Variants in PLAA observed in about 807,000 individuals in gnomAD.
PLAA encodes the protein phospholipase A-2-activating protein.
A neutral mutation model predicts 84.1 loss-of-function variants in PLAA; 48 were observed. The observed-to-expected ratio is 0.57, with a 90% CI of 0.45 to 0.73. PLAA has a LOEUF of 0.73. Among genes scored for constraint, PLAA ranks in the 30% least tolerant of loss-of-function variants. The probability of loss-of-function intolerance (pLI) is 0.00; values close to 1 mark genes in which losing one functional copy is unlikely to be tolerated. For missense variants in PLAA, 903 were observed against 954.7 expected, an observed-to-expected ratio of 0.95 and a Z score of 0.71; for synonymous variants, 392 against 336.6, an observed-to-expected ratio of 1.16 and a Z score of -1.80.
rs763977317 is a variant in PLAA, at chr9:26,947,130, G to C, written c.-85C>G. The C allele has an allele frequency of 7.2e-7, 1 of 1,383,986 alleles. No homozygotes were observed. Among genetic ancestry groups the C allele is most frequent in the Non-Finnish European group, 9.4e-7 (1 of 1,063,288 alleles). 85.7% of individuals were successfully genotyped at this position (1,383,986 alleles called of 1,614,324 possible). ...GACTCGGAGAGCGCCGGGCCGCGGCGGGAGAAGAGCCTGCAGGTAAGGGGC... is the reference window on the plus strand; with the variant it reads ...GACTCGGAGAGCGCCGGGCCGCGGCCGGAGAAGAGCCTGCAGGTAAGGGGC... On this transcript the variant is annotated 5_prime_UTR_variant, in exon 1 of 14. Coordinates refer to ENST00000397292, the MANE Select transcript of PLAA (RefSeq NM_001031689.3).
intron 2 of PLAA, among the ~76,000 whole-genome samples, chr9:26,929,963 T>A (rs1250579161): frequency 1.3e-5 from 2 of 152,096 alleles, no homozygotes; most frequent in Non-Finnish European, 2.9e-5. Flanking sequence ...CTTGCATTAG[T>A]CACCAGACAA....
chr9:26,907,876 G>A lies in PLAA; in HGVS notation c.1780C>T (p.Gln594Ter). ...CNSSSEKPTV[Q>*]QLQILWKAIN... ...GCTTTCCACAAAATCTGAAGTTGCT[G>A]GACTGTGGGTTTTTCTGAAGAACTA... Residue 594 changes from glutamine to a stop codon, truncating the protein, a stop_gained, in exon 13 of 14, where the codon CAG becomes TAG. Transcript: ENST00000397292. LOFTEE classifies it high-confidence loss of function. 6.2e-7 allele frequency: 1 copy of A among 1,611,314 alleles called. No homozygotes were observed. Among genetic ancestry groups the A allele is most frequent in the Non-Finnish European group, 8.5e-7 (1 of 1,179,296 alleles).
At chr9:26,914,662 AATC>A (rs962952859) in intron 10 of PLAA, among the ~76,000 whole-genome samples, 21 of 152,216 alleles carry the variant, frequency 1.4e-4, no homozygotes, top group Non-Finnish European at 2.6e-4. Flanking sequence ...TATGCCAGTT[AATC>A]ATCTTCTATG....
At chr9:26,926,288 CATAG>C (rs1265360186) in intron 5 of PLAA, 101 bp downstream of exon 5, 7 of 731,970 alleles carry the variant, frequency 9.6e-6, no homozygotes, top group Non-Finnish European at 1.4e-5. Context: ...TTATTCAAGT[CATAG>C]ATAGTAAATT....
chr9:26,934,537 T>C (rs983216410), intron 2 of PLAA, among the ~76,000 whole-genome samples: 11 of 145,222 alleles, frequency 7.6e-5, no homozygotes, highest in African/African-American at 2.8e-4. Context: ...TGGAGTGCAG[T>C]GGCAGGATCT....
chr9:26,935,626 C>T (rs1449115771), intron 1 of PLAA, among the ~76,000 whole-genome samples: 1 of 151,894 alleles, frequency 6.6e-6, no homozygotes, highest in Non-Finnish European at 1.5e-5. Context: ...GACTTTTTCA[C>T]ATTATGAAGC....
At chr9:26,938,082 C>A (rs770318579) in intron 1 of PLAA, among the ~76,000 whole-genome samples, 1 of 152,034 alleles carries the variant, frequency 6.6e-6, no homozygotes, top group Non-Finnish European at 1.5e-5. Flanking sequence ...TTCAAAGAGA[C>A]CCACACCAAG....
chr9:26,939,131 G>A (rs1183811867), intron 1 of PLAA, among the ~76,000 whole-genome samples: 1 of 152,202 alleles, frequency 6.6e-6, no homozygotes, highest in African/African-American at 2.4e-5. Context: ...GCTCACGCCT[G>A]TAATCCCAGC....
rs1824718203 is a variant in PLAA at position 26,920,276 on chromosome 9, G to A, written c.1148C>T (p.Ser383Leu). The A allele has an allele frequency of 4.3e-6, 7 of 1,613,840 alleles. No homozygotes were observed. Among genetic ancestry groups the A allele is most frequent in the African/African-American group, 1.3e-5 (1 of 74,998 alleles). The change falls in exon 8 of 14, where the codon TCA becomes TTA. Residue 383 changes from serine to leucine, a missense_variant. Transcript: ENST00000397292. Reference protein sequence around the residue: ...RWIKIGDVVGSSGANQQTSGK... With the variant: ...RWIKIGDVVGLSGANQQTSGK... ...AGATGTTTGCTGATTAGCACCAGAT[G>A]AGCCAACAACATCACCAATTTTTAT...
chr9:26,929,371 C>T (rs1031789170), intron 2 of PLAA, among the ~76,000 whole-genome samples: 1 of 151,126 alleles, frequency 6.6e-6, no homozygotes, highest in Non-Finnish European at 1.5e-5. Flanking sequence ...ACGCGCCTGT[C>T]GTCCCAGTAA....
At chr9:26,923,932 T>A (rs1824853383) in intron 6 of PLAA, among the ~76,000 whole-genome samples, 1 of 152,200 alleles carries the variant, frequency 6.6e-6, no homozygotes, top group Non-Finnish European at 1.5e-5. Context: ...CTTCCAACTG[T>A]ATTAATCCTG....
chr9:26,929,495 G>C (rs1038834777), intron 2 of PLAA, among the ~76,000 whole-genome samples: 1 of 152,090 alleles, frequency 6.6e-6, no homozygotes, highest in Non-Finnish European at 1.5e-5. Flanking sequence ...GAAAAAAAAA[G>C]AAAAATTATC....
chr9:26,923,417 T>C (rs1396590082), intron 6 of PLAA, 70 bp from the exon 7 acceptor site: 1 of 1,090,496 alleles, frequency 9.2e-7, no homozygotes, highest in East Asian at 2.4e-5. Flanking sequence ...ACCTGAATGA[T>C]CCATAGTAAA....
intron 5 of PLAA, 77 bp from the exon 6 acceptor site, chr9:26,926,037 C>G: frequency 8.2e-7 from 1 of 1,226,688 alleles, no homozygotes; most frequent in Non-Finnish European, 1.1e-6. Flanking sequence ...TCTAGATACA[C>G]TGACTTTTTG....
At chr9:26,939,222 A>T (rs917916364) in intron 1 of PLAA, among the ~76,000 whole-genome samples, 1 of 151,920 alleles carries the variant, frequency 6.6e-6, no homozygotes, top group African/African-American at 2.4e-5. Context: ...CCCCATCTCT[A>T]CTAAAAATAC....
At chr9:26,941,433 TAACTC>T (rs911598859) in intron 1 of PLAA, among the ~76,000 whole-genome samples, 2 of 152,034 alleles carry the variant, frequency 1.3e-5, no homozygotes, top group Non-Finnish European at 2.9e-5. Context: ...CCCTACCAGA[TAACTC>T]AACAGTAAAA....
chr9:26,923,215 A>G lies in PLAA; in HGVS notation c.1002T>C (p.Ala334=). 1 of 1,610,954 alleles carries G rather than the reference A, an allele frequency of 6.2e-7. No homozygotes were observed. The highest frequency in any genetic ancestry group is 8.5e-7 in the Non-Finnish European group (1 of 1,178,032). Residue 334 remains alanine (A), a synonymous_variant, in exon 7 of 14, where the codon GCT becomes GCC. Transcript: ENST00000397292. The stretch of plus-strand genomic sequence containing the variant: ...GATGTTCCCTCCCAGGAAGCTGCTC[A>G]GCATTGATGTCCCCTAAATCGCCAG... The part of the protein sequence containing the change: ...SKTGDLGDIN[A]EQLPGREHLN...
intron 1 of PLAA, among the ~76,000 whole-genome samples, chr9:26,939,009 C>A (rs1281330663): frequency 1.3e-5 from 2 of 152,082 alleles, no homozygotes; most frequent in Non-Finnish European, 2.9e-5. Flanking sequence ...TAGAGGATTA[C>A]AACTTTAGGA....
chr9:26,946,171 C>A (rs907605220), intron 1 of PLAA, among the ~76,000 whole-genome samples: 8 of 152,190 alleles, frequency 5.3e-5, no homozygotes, highest in African/African-American at 1.9e-4. Flanking sequence ...TTTCTCTGAA[C>A]TGCAATCTGT....
Sources: gnomAD v4.1 joint callset for allele counts (sites outside exome capture counted in the v4.1 genomes callset) on GRCh38, gnomAD v4.1.1 for gene constraint, MANE v1.5 for transcripts, NCBI Gene and HGNC (gene_info 2026-07-23, HGNC 2026-07-21) for gene names.